The following NAA16 variants were observed in gnomAD, a reference collection of about 807,000 sequenced individuals.
The protein encoded by NAA16 is N-alpha-acetyltransferase 16, NatA auxiliary subunit.
Under a neutral mutation model 110.3 loss-of-function variants are expected in NAA16, and 97 were observed. That is an observed-to-expected ratio of 0.88 (90% CI 0.75 to 1.04). The LOEUF (loss-of-function observed/expected upper bound fraction) is 1.04. NAA16 is among the 50% of genes least tolerant of loss of function. The pLI is 0.00. For missense variants in NAA16, 1,017 were observed against 1,005.1 expected, an observed-to-expected ratio of 1.01 and a Z score of -0.16; for synonymous variants, 372 against 330.6, an observed-to-expected ratio of 1.13 and a Z score of -1.36.
chr13:41,356,107 G>A (rs1199252776), intron 10 of NAA16, among the ~76,000 whole-genome samples: 2 of 152,322 alleles, frequency 1.3e-5, no homozygotes, highest in Non-Finnish European at 2.9e-5. Context: ...AGCCTGCTGA[G>A]TGGCAAGGAC....
intron 1 of NAA16, 120 bp from the exon 2 acceptor site, chr13:41,316,726 C>T (rs1345867219): frequency 1.6e-6 from 1 of 643,886 alleles, no homozygotes; most frequent in Non-Finnish European, 2.8e-6. Context: ...TAAGTGATAT[C>T]CTTTCTATCA....
chr13:41,365,279 T>C (rs2043187404), intron 13 of NAA16, among the ~76,000 whole-genome samples: 1 of 152,188 alleles, frequency 6.6e-6, no homozygotes, highest in Non-Finnish European at 1.5e-5. Context: ...GTTACATGAA[T>C]CTACAAATGA....
At chr13:41,331,228 T>C (rs1304526861) in intron 7 of NAA16, 46 bp from the exon 8 acceptor site, 2 of 1,169,694 alleles carry the variant, frequency 1.7e-6, no homozygotes, top group Admixed American at 4.1e-5. Flanking sequence ...TTACCATAGA[T>C]AAAAGTTTTG....
At chr13:41,334,777 T>A (rs1299610859) in intron 8 of NAA16, among the ~76,000 whole-genome samples, 1 of 152,220 alleles carries the variant, frequency 6.6e-6, no homozygotes, top group African/African-American at 2.4e-5. Context: ...AGTCTTTTTC[T>A]TGTCTGTCCC....
chr13:41,335,500 C>T (rs767294582), intron 8 of NAA16, among the ~76,000 whole-genome samples: 2 of 152,074 alleles, frequency 1.3e-5, no homozygotes, highest in African/African-American at 2.4e-5. Flanking sequence ...TGGAAAGGTT[C>T]GGTCTCTGAA....
chr13:41,321,420 T>C (rs761177743), intron 4 of NAA16, among the ~76,000 whole-genome samples: 64 of 152,308 alleles, frequency 4.2e-4, no homozygotes, highest in Non-Finnish European at 6.5e-4. Flanking sequence ...CCAGTGATCT[T>C]CCCACCTCAC....
At chr13:41,373,560 A>G in intron 17 of NAA16, 77 bp from the exon 18 acceptor site, 1 of 1,455,100 alleles carries the variant, frequency 6.9e-7, no homozygotes, top group African/African-American at 1.5e-5. Flanking sequence ...GCCCAGCCAT[A>G]AAGGGTTTTC....
At chr13:41,324,404 C>T (rs1247692530) in intron 5 of NAA16, among the ~76,000 whole-genome samples, 2 of 103,110 alleles carry the variant, frequency 1.9e-5, no homozygotes, top group South Asian at 3.2e-4. Context: ...GAGACAGAGT[C>T]TTGATCTGTC....
At chr13:41,347,989 T>C (rs557253705) in intron 9 of NAA16, among the ~76,000 whole-genome samples, 18 of 152,258 alleles carry the variant, frequency 1.2e-4, no homozygotes, top group African/African-American at 4.3e-4. Context: ...ATATGTCCTT[T>C]GTAATGTCAA....
At chr13:41,317,293 G>A (rs1001691524) in intron 2 of NAA16, among the ~76,000 whole-genome samples, 9 of 151,824 alleles carry the variant, frequency 5.9e-5, no homozygotes, top group Non-Finnish European at 1.2e-4. Flanking sequence ...GAAGTATGAA[G>A]ATATGGTCAC....
intron 9 of NAA16, among the ~76,000 whole-genome samples, chr13:41,337,908 C>T (rs2042424960): frequency 6.6e-6 from 1 of 151,510 alleles, no homozygotes; most frequent in Admixed American, 6.6e-5. Flanking sequence ...ACAAAAGAAA[C>T]AACTGATGAT....
At chr13:41,353,039 C>G (rs2042879697) in intron 9 of NAA16, among the ~76,000 whole-genome samples, 1 of 152,108 alleles carries the variant, frequency 6.6e-6, no homozygotes, top group Non-Finnish European at 1.5e-5. Context: ...TTGCTTGAAC[C>G]CAAGAGGCGG....
chr13:41,340,962 C>A (rs1171422821), intron 9 of NAA16, among the ~76,000 whole-genome samples: 6 of 152,136 alleles, frequency 3.9e-5, no homozygotes, highest in Non-Finnish European at 7.4e-5. Flanking sequence ...CCACCGCGCC[C>A]AGCTTGAGTG....
chr13:41,347,368 T>C (rs2042714841), intron 9 of NAA16, among the ~76,000 whole-genome samples: 1 of 152,184 alleles, frequency 6.6e-6, no homozygotes, highest in Non-Finnish European at 1.5e-5. Flanking sequence ...ATTTTAGGAT[T>C]GGCTTTTCTA....
At chr13:41,355,245 T>C in intron 10 of NAA16, 29 bp downstream of exon 10, 1 of 1,321,480 alleles carries the variant, frequency 7.6e-7, no homozygotes, top group Non-Finnish European at 1.1e-6. Flanking sequence ...GAATTGGAAT[T>C]TGATTACTCA....
At chr13:41,338,781 A>C (rs1313463449) in intron 9 of NAA16, among the ~76,000 whole-genome samples, 1 of 152,136 alleles carries the variant, frequency 6.6e-6, no homozygotes, top group African/African-American at 2.4e-5. Context: ...TTATTTCAAT[A>C]GATTTTGGGG....
In NAA16 at chr13:41,358,880, T is replaced by A; in HGVS notation, c.1328T>A (p.Phe443Tyr). 1 of 1,612,674 alleles carries A rather than the reference T, an allele frequency of 6.2e-7. No individual in the cohort carries two copies. The highest frequency in any genetic ancestry group is 8.5e-7 in the Non-Finnish European group (1 of 1,178,984). ...CAGTCTTTGGACACAGCTGATAGAT[T>A]CATCAATTCCAAATGTGCAAAATAC... ...EAQSLDTADR[F>Y]INSKCAKYML... Residue 443 changes from phenylalanine to tyrosine, a missense_variant, in exon 12 of 20, where the codon TTC (phenylalanine) becomes TAC (tyrosine). Phe to Tyr is a conservative substitution (Grantham distance 22, BLOSUM62 3). Coordinates refer to ENST00000379406, the MANE Select transcript of NAA16 (RefSeq NM_024561.5).
intron 12 of NAA16, among the ~76,000 whole-genome samples, chr13:41,359,444 C>G (rs1427953950): frequency 2.0e-5 from 3 of 152,168 alleles, no homozygotes; most frequent in Non-Finnish European, 4.4e-5. Flanking sequence ...TTCACCATCC[C>G]TTTATATCCT....
In NAA16 at chr13:41,362,286, T is replaced by G. The variant is rs894372056; in HGVS notation, c.1539+127T>G. On this transcript the variant is annotated intron_variant, in intron 13 of 19. Coordinates refer to ENST00000379406, the MANE Select transcript of NAA16 (RefSeq NM_024561.5). ...TTCATTGTGAAAAAAATTCTTGATC[T>G]TTAACCTTTACATTCAGAAGTTGTA... 3.2e-6 allele frequency: 3 copies of G among 940,274 alleles called. No homozygotes were observed. The African/African-American group carries it at 5.1e-5, about 16-fold the overall frequency. 58.2% of individuals were successfully genotyped at this position (940,274 alleles called of 1,614,324 possible).
Sources: allele counts gnomAD v4.1 joint callset (sites outside exome capture counted in the v4.1 genomes callset), GRCh38; gene constraint gnomAD v4.1.1; transcripts MANE v1.5; gene names NCBI Gene and HGNC (gene_info 2026-07-23, HGNC 2026-07-21).